Variants in KIAA0232 observed in about 807,000 individuals in gnomAD.
KIAA0232 encodes uncharacterized protein KIAA0232.
A neutral mutation model predicts 122.0 loss-of-function variants in KIAA0232; 27 were observed. The observed-to-expected ratio is 0.22, with a 90% CI of 0.16 to 0.31. KIAA0232 has a LOEUF of 0.31. Among genes scored for constraint, KIAA0232 ranks in the 10% least tolerant of loss-of-function variants. KIAA0232 has a pLI of 1.00. For missense variants in KIAA0232, 1,551 were observed against 1,634.2 expected (o/e 0.95, Z 0.88); for synonymous variants, 613 against 587.6 (o/e 1.04, Z -0.63).
At chr4:6,792,478 T>C (rs1716939513) in intron 1 of KIAA0232, among the ~76,000 whole-genome samples, 2 of 152,188 alleles carry the variant, frequency 1.3e-5, no homozygotes, top group African/African-American at 4.8e-5. Context: ...TTACTACTTT[T>C]GTTAAGGCCG....
At chr4:6,867,103 CTTTT>C (rs1482726145) in intron 7 of KIAA0232, among the ~76,000 whole-genome samples, 1 of 152,158 alleles carries the variant, frequency 6.6e-6, no homozygotes, top group Admixed American at 6.5e-5. Context: ...ATCACCCTTC[CTTTT>C]TTTATTTTCT....
At position 6,842,006 on chromosome 4, in the gene KIAA0232, G is replaced by C; in HGVS notation, c.232-61G>C. ...TTTTGTGACTGAGTGTGTGTGGTAG[G>C]TGGAACATAGTAGTGTCCAAGTTAG... On this transcript the variant is annotated intron_variant, in intron 3 of 9. Coordinates refer to ENST00000307659, the MANE Select transcript of KIAA0232 (RefSeq NM_014743.3). 2.5e-6 allele frequency: 4 copies of C among 1,583,368 alleles called. 1 individual carries two copies. In the South Asian group the frequency reaches 4.6e-5, roughly 18 times the overall value.
At chr4:6,865,827 A>G (rs73080545) in intron 7 of KIAA0232, among the ~76,000 whole-genome samples, 2,852 of 152,242 alleles carry the variant, frequency 0.019, 89 homozygotes, top group African/African-American at 0.065. Context: ...ATCAGAATTA[A>G]TTTTGCCCCT....
chr4:6,874,846 A>G (rs1453705643), intron 8 of KIAA0232, among the ~76,000 whole-genome samples: 2 of 147,576 alleles, frequency 1.4e-5, no homozygotes, highest in Non-Finnish European at 3.0e-5. Flanking sequence ...CATGAAGACT[A>G]TCAGCAGCAG....
At chr4:6,832,331 T>G (rs1719030736) in intron 3 of KIAA0232, among the ~76,000 whole-genome samples, 1 of 151,916 alleles carries the variant, frequency 6.6e-6, no homozygotes, top group Admixed American at 6.6e-5. Flanking sequence ...CTGGCATATG[T>G]AATTCATGAA....
At chr4:6,806,862 G>A (rs1577361816) in intron 2 of KIAA0232, among the ~76,000 whole-genome samples, 1 of 150,914 alleles carries the variant, frequency 6.6e-6, no homozygotes, top group African/African-American at 2.4e-5. Context: ...TATCCAGGTT[G>A]CATAGAAAGC....
rs927000754 is a variant in KIAA0232 at position 6,883,142 on chromosome 4, T to C, written c.*2176T>C. 1.3e-5 allele frequency: 2 copies of C among 152,674 alleles called. No individual in the cohort carries two copies. The highest frequency in any genetic ancestry group is 2.4e-5 in the African/African-American group (1 of 41,460). The allele number at this position is 152,674 out of a possible 1,614,324, so 9.5% of individuals were successfully genotyped here. On this transcript the variant is annotated 3_prime_UTR_variant, in exon 10 of 10. Coordinates refer to ENST00000307659, the MANE Select transcript of KIAA0232 (RefSeq NM_014743.3). Reference sequence around the variant, plus strand: ...AAGTGTGGCTTTTTAGTTTTGTGAATGGATGATCACAAAGAAAAAGCATTT... The same window carrying C: ...AAGTGTGGCTTTTTAGTTTTGTGAACGGATGATCACAAAGAAAAAGCATTT...
At chr4:6,820,542 A>G (rs1349063357) in intron 2 of KIAA0232, among the ~76,000 whole-genome samples, 1 of 152,192 alleles carries the variant, frequency 6.6e-6, no homozygotes, top group Non-Finnish European at 1.5e-5. Flanking sequence ...TCTTCAAATG[A>G]TAAACCATTT....
At chr4:6,784,610 A>T (rs1448337493) in intron 1 of KIAA0232, among the ~76,000 whole-genome samples, 3 of 152,308 alleles carry the variant, frequency 2.0e-5, no homozygotes, top group African/African-American at 7.2e-5. Context: ...AGCTCCTTTC[A>T]CTTAATATAT....
intron 2 of KIAA0232, among the ~76,000 whole-genome samples, chr4:6,811,170 C>T (rs757485422): frequency 1.4e-4 from 21 of 152,124 alleles, no homozygotes; most frequent in South Asian, 4.1e-4. Flanking sequence ...ATGTTTATTG[C>T]GGCACTATTC....
At chr4:6,825,369 AG>A (rs1350050543) in intron 3 of KIAA0232, among the ~76,000 whole-genome samples, 1 of 152,116 alleles carries the variant, frequency 6.6e-6, no homozygotes, top group Non-Finnish European at 1.5e-5. Context: ...TTGGCAACAT[AG>A]AACCCAGTCT....
chr4:6,828,854 C>T lies in KIAA0232; in HGVS notation c.231+4170C>T, dbSNP rs76298459. On this transcript the variant is annotated intron_variant, in intron 3 of 9. Coordinates refer to ENST00000307659, the MANE Select transcript of KIAA0232 (RefSeq NM_014743.3). ...AGCATGTACTTTTTAAGATCAAAGA[C>T]TTTCCCTTAGTCATATTACAATTAC... Among the ~76,000 whole-genome samples, 1,318 of 152,294 alleles carry T rather than the reference C, an allele frequency of 8.7e-3. 17 individuals carry two copies. The highest frequency in any genetic ancestry group is 0.027 in the African/African-American group (1,127 of 41,558).
intron 7 of KIAA0232, 115 bp from the exon 8 acceptor site, chr4:6,871,459 A>C (rs566244703): frequency 3.6e-5 from 23 of 633,982 alleles, no homozygotes; most frequent in African/African-American, 3.5e-4. Flanking sequence ...AAAATCAAAA[A>C]ACCTCACCAG....
chr4:6,877,347 G>A (rs1190444443), intron 9 of KIAA0232, among the ~76,000 whole-genome samples: 1 of 152,212 alleles, frequency 6.6e-6, no homozygotes, highest in Non-Finnish European at 1.5e-5. Flanking sequence ...GCCTCCGCCT[G>A]GTTTAGTCTC....
chr4:6,828,164 CT>C (rs1177001242), intron 3 of KIAA0232, among the ~76,000 whole-genome samples: 4 of 151,996 alleles, frequency 2.6e-5, no homozygotes, highest in African/African-American at 9.7e-5. Context: ...ATATATTAAT[CT>C]TTTTTAAAAA....
chr4:6,811,615 G>A (rs1194803163), intron 2 of KIAA0232, among the ~76,000 whole-genome samples: 2 of 151,868 alleles, frequency 1.3e-5, no homozygotes, highest in African/African-American at 2.4e-5. Flanking sequence ...GCTGATTTTT[G>A]TATTTTTTTG....
chr4:6,806,164 T>C (rs941223400), intron 2 of KIAA0232, among the ~76,000 whole-genome samples: 1 of 152,172 alleles, frequency 6.6e-6, no homozygotes, highest in Non-Finnish European at 1.5e-5. Flanking sequence ...TCCATAACTT[T>C]TTGAAGGCAT....
rs1484384100 is a variant in KIAA0232, at chr4:6,863,304, C to T, written c.2922C>T (p.Val974=). 1.9e-6 allele frequency: 3 copies of T among 1,614,038 alleles called. No individual in the cohort carries two copies. Among genetic ancestry groups the T allele is most frequent in the African/African-American group, 2.7e-5 (2 of 74,908 alleles). ...TTGTGACGATAGCTGGTACAGATGT[C>T]TTTATGACCCCAGGAAACAGTTTTG... is the stretch of plus-strand genomic sequence containing the variant. ...SDVVTIAGTD[V]FMTPGNSFAP... is the part of the protein sequence containing the mutation. The change falls in exon 7 of 10, where the codon GTC becomes GTT. Residue 974 remains valine, a synonymous_variant. Coordinates refer to ENST00000307659, the MANE Select transcript of KIAA0232 (RefSeq NM_014743.3).
At chr4:6,870,224 A>G (rs1288917472) in intron 7 of KIAA0232, among the ~76,000 whole-genome samples, 1 of 152,230 alleles carries the variant, frequency 6.6e-6, no homozygotes, top group Non-Finnish European at 1.5e-5. Context: ...CTGGCCAAGC[A>G]GGTGGGCGGG....
Sources: allele counts gnomAD v4.1 joint callset (sites outside exome capture counted in the v4.1 genomes callset), GRCh38; gene constraint gnomAD v4.1.1; transcripts MANE v1.5; gene names NCBI Gene and HGNC (gene_info 2026-07-23, HGNC 2026-07-21).